The following MAP3K21 variants were observed in gnomAD, a reference collection of about 807,000 sequenced individuals.
MAP3K21 encodes mitogen-activated protein kinase kinase kinase 21, also known as mitogen-activated protein kinase kinase kinase MLK4.
Under a neutral mutation model 86.1 loss-of-function variants are expected in MAP3K21, and 63 were observed. The ratio of observed to expected loss-of-function variants is 0.73; its 90% CI spans 0.60 to 0.90. MAP3K21 has a LOEUF of 0.90. MAP3K21 is among the 40% of genes least tolerant of loss of function. The probability of loss-of-function intolerance (pLI) is 0.00; values close to 1 mark genes in which losing one functional copy is unlikely to be tolerated. For missense variants in MAP3K21, 1,220 were observed against 1,367.7 expected (o/e 0.89, Z 1.70); for synonymous variants, 558 against 564.8 (o/e 0.99, Z 0.17).
intron 4 of MAP3K21, among the ~76,000 whole-genome samples, chr1:233,356,394 G>A (rs1321670242): frequency 6.6e-6 from 1 of 152,174 alleles, no homozygotes; most frequent in Admixed American, 6.5e-5. Context: ...AGTACAGTTT[G>A]TTAATATATG....
chr1:233,376,297 G>A (rs780535671), intron 7 of MAP3K21, 133 bp from the exon 8 acceptor site: 1 of 753,688 alleles, frequency 1.3e-6, no homozygotes, highest in Non-Finnish European at 2.2e-6. Flanking sequence ...TTTGTACTTT[G>A]TCAGCCCTTC....
rs1252451329 is a variant in MAP3K21, at chr1:233,362,181, C to T, written c.1440C>T (p.Asn480=). Residue 480 remains asparagine (N), a synonymous_variant, in exon 5 of 10, where the codon AAC becomes AAT. Transcript: ENST00000366624. ...REIDVLEREL[N]ILIFQLNQEK... ...TCGACGTGCTGGAGCGGGAACTTAA[C>T]ATTCTGATATTCCAGCTAAACCAGG... The T allele has an allele frequency of 6.2e-7, 1 of 1,614,212 alleles. No homozygotes were observed. Among genetic ancestry groups the T allele is most frequent in the South Asian group, 1.1e-5 (1 of 91,082 alleles).
rs774389316 is a variant in MAP3K21 at position 233,382,700 on chromosome 1, T to C, written c.3100T>C (p.Phe1034Leu). The change falls in exon 10 of 10, where the codon TTC becomes CTC. Residue 1034 changes from phenylalanine to leucine, a missense_variant. Phe to Leu is a conservative substitution (Grantham distance 22). Around this residue, in one of 5 missense-constraint regions of MAP3K21, gnomAD observed 632 missense variants for 691.3 expected, o/e 0.91. Transcript: ENST00000366624. ...RPSIYELEKE[F>L]LS ...ATCTATATATGAACTGGAGAAAGAA[T>C]TCCTGTCTTAAACTAAGTGCCTTAC... The C allele has an allele frequency of 1.2e-6, 2 of 1,608,570 alleles. No homozygotes were observed. The highest frequency in any genetic ancestry group is 2.2e-5 in the South Asian group (2 of 90,900).
chr1:233,357,500 T>C (rs886786157), intron 4 of MAP3K21, among the ~76,000 whole-genome samples: 2 of 152,276 alleles, frequency 1.3e-5, no homozygotes, highest in African/African-American at 4.8e-5. Flanking sequence ...TTTGGTTACA[T>C]TGAAAAATGC....
At chr1:233,336,699 T>C (rs1015217433) in intron 1 of MAP3K21, among the ~76,000 whole-genome samples, 44 of 152,234 alleles carry the variant, frequency 2.9e-4, no homozygotes, top group African/African-American at 1.0e-3. Flanking sequence ...CATTCATTAG[T>C]CTATCTTACT....
intron 1 of MAP3K21, among the ~76,000 whole-genome samples, chr1:233,341,737 T>A (rs1032806417): frequency 6.6e-6 from 1 of 152,166 alleles, no homozygotes; most frequent in African/African-American, 2.4e-5. Flanking sequence ...GGGGTCTGGG[T>A]GTGGATAAGG....
rs753802059 is a variant in MAP3K21 at position 233,328,537 on chromosome 1, G to A, written c.509G>A (p.Arg170His). The A allele has an allele frequency of 9.8e-6, 15 of 1,531,734 alleles. No homozygotes were observed. The South Asian group carries it at 1.7e-4, about 17-fold the overall frequency. 94.9% of individuals were successfully genotyped at this position (1,531,734 alleles called of 1,614,324 possible). The change falls in exon 1 of 10, where the codon CGC becomes CAC. Residue 170 changes from arginine to histidine, a missense_variant. Around this residue, in one of 5 missense-constraint regions of MAP3K21, gnomAD observed 369 missense variants for 385.3 expected, o/e 0.96. Transcript: ENST00000366624. The surrounding 1 kb of genome is among the most constrained non-coding windows in gnomAD (Gnocchi z 8.7). ...DAAAAAESVR[R>H]EARLFAMLRH... ...GCGGCGGCTGCCGAGAGCGTGCGGC[G>A]CGAGGCTCGGCTCTTCGCCATGCTG...
intron 5 of MAP3K21, among the ~76,000 whole-genome samples, chr1:233,370,636 G>A (rs1327494434): frequency 6.6e-6 from 1 of 152,238 alleles, no homozygotes; most frequent in East Asian, 1.9e-4. Flanking sequence ...TAGGTCTCTT[G>A]CAAATATGAA....
chr1:233,369,201 C>T (rs1294250), intron 5 of MAP3K21, among the ~76,000 whole-genome samples: 12,708 of 143,274 alleles, frequency 0.089, 638 homozygotes, highest in Middle Eastern at 0.16. Context: ...CACGGTGAAA[C>T]CCCGTCTCTA....
At position 233,381,873 on chromosome 1, in the gene MAP3K21, GACC is replaced by G. The variant is rs201628915; in HGVS notation, c.2705-430_2705-428del. ...ATCTACAGTGAAGTTTAATCATGTT[GACC>G]ATCATTTTTAAACCTCTTAAATTTA... On this transcript the variant is annotated intron_variant, in intron 9 of 9. Transcript: ENST00000366624. Among the ~76,000 whole-genome samples, 552 of 152,252 alleles carry G rather than the reference GACC, an allele frequency of 3.6e-3. 2 individuals are homozygous for G. The highest frequency in any genetic ancestry group is 0.013 in the African/African-American group (525 of 41,530).
At chr1:233,362,379 G>A in intron 5 of MAP3K21, 86 bp downstream of exon 5, 1 of 1,436,430 alleles carries the variant, frequency 7.0e-7, no homozygotes, top group Admixed American at 1.8e-5. Flanking sequence ...CCAGGAAAGA[G>A]ATAGGGAAGT....
Position 233,328,587 on chromosome 1 carries a change from C to T in MAP3K21, c.559C>T (p.Arg187Cys). The T allele has an allele frequency of 2.0e-6, 3 of 1,520,116 alleles. No individual in the cohort carries two copies. The highest frequency in any genetic ancestry group is 1.4e-5 in the African/African-American group (1 of 69,728). 94.2% of individuals were successfully genotyped at this position (1,520,116 alleles called of 1,614,324 possible). A position where few individuals can be genotyped will look rare whatever the true frequency, so the allele number is the denominator to read the frequency against. ...GCGGCACCCCAACATCATCGAGCTG[C>T]GCGGCGTGTGCCTGCAGCAGCCGCA... ...MLRHPNIIEL[R>C]GVCLQQPHLC... The change falls in exon 1 of 10, where the codon CGC becomes TGC. Residue 187 changes from arginine to cysteine, a missense_variant. By Grantham distance (180) the Arg-to-Cys change is radical. Around this residue, in one of 5 missense-constraint regions of MAP3K21, gnomAD observed 369 missense variants for 385.3 expected, o/e 0.96. Coordinates refer to ENST00000366624, the MANE Select transcript of MAP3K21 (RefSeq NM_032435.3). The surrounding 1 kb of genome is among the most constrained non-coding windows in gnomAD (Gnocchi z 8.7).
intron 1 of MAP3K21, among the ~76,000 whole-genome samples, chr1:233,341,964 CATA>C (rs1663045974): frequency 6.6e-6 from 1 of 151,464 alleles, no homozygotes; most frequent in Non-Finnish European, 1.5e-5. Context: ...AGAAGGAAAA[CATA>C]ATGCAGCTGA....
At chr1:233,376,153 A>C (rs2102766962) in intron 7 of MAP3K21, 87 bp downstream of exon 7, 1 of 1,175,346 alleles carries the variant, frequency 8.5e-7, no homozygotes, top group Non-Finnish European at 1.2e-6. Context: ...ACTTTCAAAA[A>C]GCAAGTAAAT....
intron 4 of MAP3K21, among the ~76,000 whole-genome samples, chr1:233,358,005 CAGGAACTCTG>C (rs1663397080): frequency 6.6e-6 from 1 of 151,598 alleles, no homozygotes; most frequent in South Asian, 2.1e-4. Context: ...CACCCCCCAC[CAGGAACTCTG>C]AGTCAGACAG....
intron 1 of MAP3K21, among the ~76,000 whole-genome samples, chr1:233,345,615 G>C (rs967337373): frequency 1.3e-5 from 2 of 151,976 alleles, no homozygotes; most frequent in Admixed American, 6.6e-5. Context: ...ATAGCATTAG[G>C]AGAAATACCT....
At chr1:233,369,220 C>A (rs146683072) in intron 5 of MAP3K21, among the ~76,000 whole-genome samples, 306 of 105,408 alleles carry the variant, frequency 2.9e-3, no homozygotes, top group Middle Eastern at 0.011. Flanking sequence ...TAGTAAAATA[C>A]AAAAAAAAAA....
intron 6 of MAP3K21, among the ~76,000 whole-genome samples, chr1:233,375,320 A>G (rs918916632): frequency 6.6e-6 from 1 of 152,336 alleles, no homozygotes; most frequent in African/African-American, 2.4e-5. Context: ...AAAGAGGAAT[A>G]TACATCGTCC....
intron 9 of MAP3K21, 82 bp downstream of exon 9, chr1:233,379,792 C>T (rs1416431156): frequency 1.2e-5 from 13 of 1,068,054 alleles, no homozygotes; most frequent in Non-Finnish European, 1.8e-5. Flanking sequence ...ATGATTTTAT[C>T]TTTTCCTGGT....
Sources: gnomAD v4.1 joint callset for allele counts (sites outside exome capture counted in the v4.1 genomes callset) on GRCh38, gnomAD v4.1.1 for gene constraint, gnomAD v4.1.1 regional missense constraint, Gnocchi (gnomAD v3.1) non-coding constraint, MANE v1.5 for transcripts, NCBI Gene and HGNC (gene_info 2026-07-23, HGNC 2026-07-21) for gene names.